The following DLG2 variants were observed in gnomAD, a reference collection of about 807,000 sequenced individuals.
DLG2 encodes disks large homolog 2.
A neutral mutation model predicts 132.5 loss-of-function variants in DLG2; 45 were observed. The ratio of observed to expected loss-of-function variants is 0.34; its 90% CI spans 0.27 to 0.44. The LOEUF (loss-of-function observed/expected upper bound fraction) is 0.44. Among genes scored for constraint, DLG2 ranks in the 20% least tolerant of loss-of-function variants. DLG2 has a pLI of 1.00. For synonymous variants in DLG2, 424 were observed against 419.6 expected (o/e 1.01, Z -0.13); for missense variants, 1,045 against 1,196.9 (o/e 0.87, Z 1.87).
intron 3 of DLG2, among the ~76,000 whole-genome samples, chr11:85,533,520 C>G (rs1206705554): frequency 6.7e-6 from 1 of 150,346 alleles, no homozygotes. Flanking sequence ...TGTATACGTA[C>G]TACATTTTCT....
At position 84,509,201 on chromosome 11, in the gene DLG2, A is replaced by T. The variant is rs1308110969; in HGVS notation, c.519+25369T>A. ...CATACATTTGAAACTGTGACCTTGCATAAAGTCTGAATTCTGGAAAATGTC... is the reference window on the plus strand; with the variant it reads ...CATACATTTGAAACTGTGACCTTGCTTAAAGTCTGAATTCTGGAAAATGTC... On this transcript the variant is annotated intron_variant, in intron 7 of 27. Transcript: ENST00000376104. Among the ~76,000 whole-genome samples the T allele has an allele frequency of 2.0e-5, 3 of 152,212 alleles. No homozygotes were observed. The East Asian group carries it at 5.8e-4, about 29-fold the overall frequency.
chr11:84,968,234 A>G (rs1022699742), intron 6 of DLG2, among the ~76,000 whole-genome samples: 2 of 152,210 alleles, frequency 1.3e-5, no homozygotes, highest in African/African-American at 4.8e-5. Flanking sequence ...AACATCTAAC[A>G]TATATAATAG....
At chr11:84,811,636 T>A (rs1249730613) in intron 6 of DLG2, among the ~76,000 whole-genome samples, 1 of 152,152 alleles carries the variant, frequency 6.6e-6, no homozygotes, top group South Asian at 2.1e-4. Context: ...AGATCCTGAA[T>A]AACATTTCTC....
At chr11:83,913,176 T>C (rs1344771688) in intron 15 of DLG2, among the ~76,000 whole-genome samples, 2 of 152,188 alleles carry the variant, frequency 1.3e-5, no homozygotes, top group East Asian at 1.9e-4. Flanking sequence ...CCCTCGATTA[T>C]AGCAGCTTTG....
intron 18 of DLG2, among the ~76,000 whole-genome samples, chr11:83,712,011 C>A (rs1390272614): frequency 6.6e-6 from 1 of 151,992 alleles, no homozygotes; most frequent in African/African-American, 2.4e-5. Context: ...AACAAAAAAA[C>A]CGGATCTTGG....
intron 18 of DLG2, among the ~76,000 whole-genome samples, chr11:83,645,353 T>C (rs979366248): frequency 3.3e-5 from 5 of 152,090 alleles, no homozygotes; most frequent in Admixed American, 6.6e-5. Context: ...TCTTTAACAG[T>C]TGAAGCAATT....
intron 6 of DLG2, among the ~76,000 whole-genome samples, chr11:84,995,896 A>G (rs539445757): frequency 3.7e-4 from 57 of 152,238 alleles, no homozygotes; most frequent in African/African-American, 1.3e-3. Context: ...TACCTGCTTC[A>G]TTCATTCTCT....
At chr11:84,673,426 C>G (rs1044453467) in intron 6 of DLG2, among the ~76,000 whole-genome samples, 1 of 151,706 alleles carries the variant, frequency 6.6e-6, no homozygotes, top group African/African-American at 2.4e-5. Context: ...CAAAAATAAG[C>G]TGTTTCCTCC....
At chr11:85,080,768 A>G (rs1273259740) in intron 6 of DLG2, among the ~76,000 whole-genome samples, 5 of 152,132 alleles carry the variant, frequency 3.3e-5, no homozygotes, top group African/African-American at 4.8e-5. Flanking sequence ...GAGTCTCTCA[A>G]TTGTTGTCCA....
chr11:85,512,847 C>G (rs2094104952), intron 3 of DLG2, among the ~76,000 whole-genome samples: 1 of 151,926 alleles, frequency 6.6e-6, no homozygotes, highest in Non-Finnish European at 1.5e-5. Context: ...TGGTAATATA[C>G]CAAAAGGAAA....
In DLG2 at chr11:85,290,135, A is replaced by G. The variant is rs1225085902; in HGVS notation, c.41-4770T>C. Among the ~76,000 whole-genome samples the G allele has an allele frequency of 3.3e-5, 5 of 152,278 alleles. 1 individual carries two copies. Among genetic ancestry groups the G allele is most frequent in the Middle Eastern group, 6.8e-3 (2 of 294 alleles). On this transcript the variant is annotated intron_variant, in intron 3 of 27. Coordinates refer to ENST00000376104, the MANE Select transcript of DLG2 (RefSeq NM_001142699.3). ...TTTTTAAGGATCTAACAGAAGAAAAATCATTGAATGAAGTCAAATCCCTTC... is the reference window on the plus strand; with the variant it reads ...TTTTTAAGGATCTAACAGAAGAAAAGTCATTGAATGAAGTCAAATCCCTTC...
chr11:85,437,793 A>G (rs1488607326), intron 3 of DLG2, among the ~76,000 whole-genome samples: 1 of 152,146 alleles, frequency 6.6e-6, no homozygotes, highest in Non-Finnish European at 1.5e-5. Flanking sequence ...AAAGTAAAGG[A>G]AAAAAGAAAA....
intron 6 of DLG2, among the ~76,000 whole-genome samples, chr11:85,063,031 C>G (rs758270086): frequency 6.6e-6 from 1 of 151,748 alleles, no homozygotes; most frequent in African/African-American, 2.4e-5. Flanking sequence ...AGTACTAAGA[C>G]GGTGATAACT....
At chr11:85,072,337 G>C (rs2065981188) in intron 6 of DLG2, among the ~76,000 whole-genome samples, 1 of 151,730 alleles carries the variant, frequency 6.6e-6, no homozygotes, top group Admixed American at 6.6e-5. Context: ...AATTCTTTGA[G>C]TCCTACTGTG....
chr11:84,992,624 T>A (rs1476658752), intron 6 of DLG2, among the ~76,000 whole-genome samples: 1 of 152,204 alleles, frequency 6.6e-6, no homozygotes, highest in Non-Finnish European at 1.5e-5. Context: ...GCGGTTTTGA[T>A]TTGCATTTAT....
chr11:83,802,303 A>G (rs1039119078), intron 17 of DLG2, among the ~76,000 whole-genome samples: 10 of 152,144 alleles, frequency 6.6e-5, no homozygotes, highest in African/African-American at 2.4e-4. Context: ...GCTGAAGGCT[A>G]AATTCCTACC....
chr11:84,364,173 T>A (rs1454149577), intron 7 of DLG2, among the ~76,000 whole-genome samples: 4 of 151,854 alleles, frequency 2.6e-5, no homozygotes, highest in Non-Finnish European at 5.9e-5. Flanking sequence ...GTTTGTATCC[T>A]CTTTTATTTC....
chr11:85,423,562 A>G (rs2090483731), intron 3 of DLG2, among the ~76,000 whole-genome samples: 1 of 152,046 alleles, frequency 6.6e-6, no homozygotes, highest in African/African-American at 2.4e-5. Flanking sequence ...GAAGAGGGCT[A>G]GGTGTGTCTG....
chr11:85,446,793 ATGTGTGTGTGTG>A (rs35097336), intron 3 of DLG2, among the ~76,000 whole-genome samples: 8 of 145,114 alleles, frequency 5.5e-5, no homozygotes, highest in African/African-American at 1.5e-4. Context: ...GATATAGTAT[ATGTGTGTGTGTG>A]TGTGTGTGTG....
Sources: allele counts gnomAD v4.1 joint callset (sites outside exome capture counted in the v4.1 genomes callset), GRCh38; gene constraint gnomAD v4.1.1; transcripts MANE v1.5; gene names NCBI Gene and HGNC (gene_info 2026-07-23, HGNC 2026-07-21).